Variants in CTNNA2 observed in about 807,000 individuals in gnomAD.
The protein encoded by CTNNA2 is catenin alpha 2.
Under a neutral mutation model 101.0 loss-of-function variants are expected in CTNNA2, and 42 were observed. That is an observed-to-expected ratio of 0.42 (90% CI 0.32 to 0.54). CTNNA2 has a LOEUF of 0.54. CTNNA2 is among the 20% of genes least tolerant of loss of function. The pLI is 0.14. For missense variants in CTNNA2, 871 were observed against 1,223.1 expected (o/e 0.71, Z 4.29); for synonymous variants, 450 against 456.4 (o/e 0.99, Z 0.18).
Position 80,452,670 on chromosome 2 carries a change from C to T in CTNNA2, c.1290+33069C>T, listed in dbSNP as rs1008518309. Among the ~76,000 whole-genome samples the T allele has an allele frequency of 2.6e-5, 4 of 151,498 alleles. No individual in the cohort carries two copies. The South Asian group carries it at 8.3e-4, about 31-fold the overall frequency. On this transcript the variant is annotated intron_variant, in intron 9 of 18. Coordinates refer to ENST00000402739, the MANE Select transcript of CTNNA2 (RefSeq NM_001282597.3). The stretch of plus-strand genomic sequence containing the variant: ...AGGATGCTGGTGGCATTGGGGGCTT[C>T]TTGCAGGTTGGGTTGGGGAAAACCA...
At chr2:79,223,170 G>T (rs1164780387) in intron 2 of CTNNA2, among the ~76,000 whole-genome samples, 2 of 151,792 alleles carry the variant, frequency 1.3e-5, no homozygotes, top group East Asian at 1.9e-4. Context: ...TAAAATAAAT[G>T]AATAAATAAT....
At position 79,247,768 on chromosome 2, in the gene CTNNA2, A is replaced by G. The variant is rs558069584; in HGVS notation, c.-406+49692A>G. On this transcript the variant is annotated intron_variant, in intron 2 of 21. Coordinates refer to the CTNNA2 transcript ENST00000466387. ...GTGAAGTAAATTTGAGCATAGAAGAAGGTGACTTGACAGAAGCAGAAAGTG... is the reference window on the plus strand; with the variant it reads ...GTGAAGTAAATTTGAGCATAGAAGAGGGTGACTTGACAGAAGCAGAAAGTG... Among the ~76,000 whole-genome samples the G allele has an allele frequency of 5.9e-5, 9 of 152,306 alleles. No individual in the cohort carries two copies. The Middle Eastern group carries it at 0.014, about 230-fold the overall frequency.
intron 4 of CTNNA2, among the ~76,000 whole-genome samples, chr2:79,403,627 TA>T (rs759968213): frequency 1.4e-4 from 22 of 151,836 alleles, no homozygotes; most frequent in Non-Finnish European, 2.8e-4. Context: ...AAAATATAAA[TA>T]AACATGTCAT....
At chr2:80,074,806 A>G (rs1240452642) in intron 7 of CTNNA2, among the ~76,000 whole-genome samples, 3 of 152,214 alleles carry the variant, frequency 2.0e-5, no homozygotes, top group Middle Eastern at 3.2e-3. Flanking sequence ...TGCAAATTGT[A>G]TGTCTCCAAT....
intron 2 of CTNNA2, among the ~76,000 whole-genome samples, chr2:79,298,908 G>C (rs1301917448): frequency 6.6e-6 from 1 of 152,214 alleles, no homozygotes. Context: ...GCCTTTATCT[G>C]ATTAGAGAAG....
chr2:79,318,308 T>C (rs562353993), intron 3 of CTNNA2, among the ~76,000 whole-genome samples: 2 of 152,184 alleles, frequency 1.3e-5, no homozygotes, highest in South Asian at 2.1e-4. Flanking sequence ...ATAATTCAAA[T>C]GTAATCCAGT....
chr2:80,215,597 G>T (rs1175728034), intron 7 of CTNNA2, among the ~76,000 whole-genome samples: 1 of 152,172 alleles, frequency 6.6e-6, no homozygotes, highest in Non-Finnish European at 1.5e-5. Flanking sequence ...AATGGCAAAT[G>T]TTGCTGCCTG....
At chr2:79,404,666 G>A (rs539143372) in intron 4 of CTNNA2, among the ~76,000 whole-genome samples, 1 of 152,178 alleles carries the variant, frequency 6.6e-6, no homozygotes, top group Non-Finnish European at 1.5e-5. Context: ...ATGGGCATGA[G>A]AGAAAAGGCT....
intron 18 of CTNNA2, among the ~76,000 whole-genome samples, chr2:80,632,332 G>C (rs1027405826): frequency 6.6e-6 from 1 of 151,040 alleles, no homozygotes; most frequent in African/African-American, 2.4e-5. Context: ...AGTAACTAAA[G>C]ATTTGATTCC....
Position 80,240,378 on chromosome 2 carries a change from C to T in CTNNA2, c.1057-152833C>T, listed in dbSNP as rs143712606. ...GTTAATGCTAGTACCCTGTGTTTCC[C>T]CTGCAACACTCAATCTTTAATGTTT... On this transcript the variant is annotated intron_variant, in intron 7 of 18. Coordinates refer to ENST00000402739, the MANE Select transcript of CTNNA2 (RefSeq NM_001282597.3). Among the ~76,000 whole-genome samples the T allele has an allele frequency of 5.9e-5, 9 of 152,260 alleles. No individual in the cohort carries two copies. The East Asian group carries it at 1.7e-3, about 29-fold the overall frequency.
chr2:79,245,132 AT>A (rs1477378197), intron 2 of CTNNA2, among the ~76,000 whole-genome samples: 4 of 151,962 alleles, frequency 2.6e-5, no homozygotes, highest in African/African-American at 9.7e-5. Context: ...CAGTGTGCAA[AT>A]TACATAGGAT....
rs546081741 is a variant in CTNNA2 at position 79,923,232 on chromosome 2, C to A, written c.1056+13435C>A. Among the ~76,000 whole-genome samples, 261 of 152,140 alleles carry A rather than the reference C, an allele frequency of 1.7e-3. 3 individuals are homozygous for A. Among genetic ancestry groups the A allele is most frequent in the African/African-American group, 6.0e-3 (247 of 41,504 alleles). On this transcript the variant is annotated intron_variant, in intron 7 of 18. Transcript: ENST00000402739. ...GCTTCAGTATCTAGTTGGAGACTGT[C>A]GATCATGTAAGAGACAATGGTAGAG...
At chr2:79,350,497 G>GAT (rs1427805245) in intron 3 of CTNNA2, among the ~76,000 whole-genome samples, 3 of 152,096 alleles carry the variant, frequency 2.0e-5, no homozygotes, top group African/African-American at 4.8e-5. Flanking sequence ...AGTATTCTAT[G>GAT]ATATATATAT....
At chr2:79,869,184 C>T (rs924240560) in intron 4 of CTNNA2, among the ~76,000 whole-genome samples, 2 of 152,188 alleles carry the variant, frequency 1.3e-5, no homozygotes, top group African/African-American at 2.4e-5. Flanking sequence ...ATTGGTAGGG[C>T]GGTGTGCTTG....
chr2:79,580,335 C>T (rs1454149267), intron 1 of CTNNA2, among the ~76,000 whole-genome samples: 2 of 152,112 alleles, frequency 1.3e-5, no homozygotes, highest in Non-Finnish European at 2.9e-5. Context: ...CTGCTATTGG[C>T]TTTGAGTTGG....
At chr2:79,307,769 A>G (rs1676280097) in intron 2 of CTNNA2, among the ~76,000 whole-genome samples, 1 of 152,156 alleles carries the variant, frequency 6.6e-6, no homozygotes, top group East Asian at 1.9e-4. Context: ...TGGTAGTTCT[A>G]TTTGTAGAAT....
intron 4 of CTNNA2, among the ~76,000 whole-genome samples, chr2:79,384,304 T>A (rs887323702): frequency 3.9e-5 from 6 of 151,922 alleles, no homozygotes; most frequent in South Asian, 4.1e-4. Context: ...TCAGGAAAAT[T>A]TGGTTTTCAT....
intron 9 of CTNNA2, among the ~76,000 whole-genome samples, chr2:80,500,971 C>T (rs942505343): frequency 3.3e-5 from 5 of 152,232 alleles, no homozygotes; most frequent in Middle Eastern, 3.4e-3. Context: ...GAGTGAATGT[C>T]TATATACTTG....
At position 80,487,196 on chromosome 2, in the gene CTNNA2, G is replaced by A. The variant is rs184176749; in HGVS notation, c.1291-57786G>A. On this transcript the variant is annotated intron_variant, in intron 9 of 18. Coordinates refer to ENST00000402739, the MANE Select transcript of CTNNA2 (RefSeq NM_001282597.3). ...CTCAGGAGGCTGAGTCAGGAGAATC[G>A]CTTGAACCCAGGAGGCAGAGGTTGC... 2.5e-3 allele frequency among the ~76,000 whole-genome samples: 382 copies of A among 150,218 alleles called. 5 individuals carry two copies. Among genetic ancestry groups the A allele is most frequent in the Admixed American group, 0.022 (331 of 15,014 alleles).
Sources: allele counts gnomAD v4.1 joint callset (sites outside exome capture counted in the v4.1 genomes callset), GRCh38; gene constraint gnomAD v4.1.1; transcripts MANE v1.5; gene names NCBI Gene and HGNC (gene_info 2026-07-23, HGNC 2026-07-21).